Variants in SLC9A6 observed in about 807,000 individuals in gnomAD.
SLC9A6 encodes solute carrier family 9 member A6.
A neutral mutation model predicts 45.3 loss-of-function variants in SLC9A6; 6 were observed. The observed-to-expected ratio is 0.13, with a 90% CI of 0.07 to 0.26. The LOEUF (loss-of-function observed/expected upper bound fraction) is 0.26. Among genes scored for constraint, SLC9A6 ranks in the 10% least tolerant of loss-of-function variants. The pLI, the probability that SLC9A6 is intolerant of heterozygous loss-of-function variation, is 1.00. For synonymous variants in SLC9A6, 191 were observed against 187.7 expected (o/e 1.02, Z -0.14); for missense variants, 278 against 503.7 (o/e 0.55, Z 4.29).
At position 136,028,986 on chromosome X, in the gene SLC9A6, ATACTC is replaced by A. The variant is rs2071272832; in HGVS notation, c.1550+16_1550+20del. 7 of 294,420 alleles carry A rather than the reference ATACTC, an allele frequency of 2.4e-5. No homozygotes were observed. Among genetic ancestry groups the A allele is most frequent in the African/African-American group, 5.5e-5 (2 of 36,237 alleles). 24.3% of individuals were successfully genotyped at this position (294,420 alleles called of 1,213,427 possible). A position where few individuals can be genotyped will look rare whatever the true frequency, so the allele number is the denominator to read the frequency against. On this transcript the variant is annotated intron_variant, in intron 14 of 17. Transcript: ENST00000630721. ...TGGGGAGACTGACAGGTAAATAACT[ATACTC>A]TACTGTGCTAAGTATCATAATAAAG... is the stretch of plus-strand genomic sequence containing the variant.
chrX:135,979,387 T>C (rs1556613693), intron 1 of SLC9A6, among the ~76,000 whole-genome samples: 1 of 111,886 alleles, frequency 8.9e-6, no homozygotes. Context: ...GTCCAGTCTT[T>C]ACTCCTGAAC....
intron 3 of SLC9A6, among the ~76,000 whole-genome samples, chrX:135,997,718 A>G (rs948922628): frequency 9.3e-6 from 1 of 107,183 alleles, no homozygotes; most frequent in Non-Finnish European, 1.9e-5. Context: ...GCCTGGCCCT[A>G]TTTTTAACTT....
At chrX:136,007,933 A>G (rs2089682016) in intron 7 of SLC9A6, among the ~76,000 whole-genome samples, 1 of 111,538 alleles carries the variant, frequency 9.0e-6, no homozygotes, top group Admixed American at 9.6e-5. Context: ...TGGTATGATC[A>G]TTAAAAAAAT....
intron 1 of SLC9A6, 45 bp from the exon 2 acceptor site, chrX:135,985,558 C>T (rs2089319734): frequency 8.4e-7 from 1 of 1,192,529 alleles, no homozygotes; most frequent in East Asian, 3.0e-5. Context: ...GGCAGCAGTC[C>T]CCGAGCCCGC....
In SLC9A6 at chrX:136,016,553, T is replaced by C. The variant is rs2071022538; in HGVS notation, c.1081-92T>C. 6 of 540,382 alleles carry C rather than the reference T, an allele frequency of 1.1e-5. No homozygotes were observed. In the South Asian group the frequency reaches 1.5e-4, roughly 14 times the overall value. 44.5% of individuals were successfully genotyped at this position (540,382 alleles called of 1,213,427 possible). A position where few individuals can be genotyped will look rare whatever the true frequency, so the allele number is the denominator to read the frequency against. On this transcript the variant is annotated intron_variant, in intron 10 of 17. Transcript: ENST00000630721. ...TGTGTGTATGCATGAAGTTTATATA[T>C]ATGAGTGTCTGTTTTAATATCTTAG... is the stretch of plus-strand genomic sequence containing the variant.
At chrX:136,019,631 GT>G (rs2071086029) in intron 11 of SLC9A6, among the ~76,000 whole-genome samples, 1 of 112,326 alleles carries the variant, frequency 8.9e-6, no homozygotes, top group Non-Finnish European at 1.9e-5. Context: ...TTTTAGAATA[GT>G]TTTAGGTTTA....
chrX:136,000,980 G>C (rs2089573212), intron 6 of SLC9A6, among the ~76,000 whole-genome samples: 1 of 108,710 alleles, frequency 9.2e-6, no homozygotes, highest in Admixed American at 9.8e-5. Flanking sequence ...GCAAGACCCT[G>C]TCTCTTAAAA....
intron 7 of SLC9A6, among the ~76,000 whole-genome samples, chrX:136,003,199 G>C (rs1556617579): frequency 9.3e-6 from 1 of 107,986 alleles, no homozygotes; most frequent in African/African-American, 3.4e-5. Context: ...ATGTTGGCCA[G>C]GTTGGTCTCA....
chrX:135,985,401 C>G (rs1424557861), upstream of SLC9A6: 5 of 532,202 alleles, frequency 9.4e-6, no homozygotes, highest in South Asian at 7.8e-5. Context: ...GCGCGCGCTC[C>G]GACGGCTACC....
At chrX:136,040,224 A>C in intron 17 of SLC9A6, 43 bp downstream of exon 17, 1 of 956,551 alleles carries the variant, frequency 1.0e-6, no homozygotes. Context: ...AGTAAGTTAA[A>C]TTTATCTGCT....
At chrX:136,018,312 A>G (rs782096093) in intron 11 of SLC9A6, among the ~76,000 whole-genome samples, 72 of 112,237 alleles carry the variant, frequency 6.4e-4, no homozygotes, top group African/African-American at 2.3e-3. Context: ...GCTAAGAAGT[A>G]CTAGGGATCC....
At chrX:136,033,681 A>G (rs782325385) in intron 16 of SLC9A6, among the ~76,000 whole-genome samples, 188 bp downstream of exon 16, 1 of 109,554 alleles carries the variant, frequency 9.1e-6, no homozygotes, top group Admixed American at 9.8e-5. Context: ...AACCCATGAA[A>G]CCGTAGGGAC....
At position 136,039,909 on chromosome X, in the gene SLC9A6, C is replaced by G. The variant is rs563139897; in HGVS notation, c.1662-167C>G. 273 of 490,673 alleles carry G rather than the reference C, an allele frequency of 5.6e-4. 2 individuals are homozygous for G. In the South Asian group the frequency reaches 7.5e-3, roughly 13 times the overall value. 40.4% of individuals were successfully genotyped at this position (490,673 alleles called of 1,213,427 possible). A position where few individuals can be genotyped will look rare whatever the true frequency, so the allele number is the denominator to read the frequency against. On this transcript the variant is annotated intron_variant, in intron 16 of 17. Coordinates refer to ENST00000630721, the MANE Select transcript of SLC9A6 (RefSeq NM_001379110.1). ...GTGAAGTGGAGATGATAAAATACCC[C>G]TTTGCTGTTTCACTGCCATCATGTG...
In SLC9A6 at chrX:136,046,873, A is replaced by G. The variant is rs2071607856; in HGVS notation, c.*2149A>G. Reference sequence around the variant, plus strand: ...CTGAGTTACCATCATGCACAAGTAGAACTGCTCTTGGACTTGTTTTCCTGT... The same window carrying G: ...CTGAGTTACCATCATGCACAAGTAGGACTGCTCTTGGACTTGTTTTCCTGT... On this transcript the variant is annotated 3_prime_UTR_variant, in exon 18 of 18. Coordinates refer to ENST00000630721, the MANE Select transcript of SLC9A6 (RefSeq NM_001379110.1). 1 of 112,906 alleles carries G rather than the reference A, an allele frequency of 8.9e-6. No individual in the cohort carries two copies. Among genetic ancestry groups the G allele is most frequent in the South Asian group, 3.6e-4 (1 of 2,745 alleles). 9.3% of individuals were successfully genotyped at this position (112,906 alleles called of 1,213,427 possible).
chrX:136,004,461 C>G (rs1309426210), intron 7 of SLC9A6, among the ~76,000 whole-genome samples: 1 of 111,253 alleles, frequency 9.0e-6, no homozygotes, highest in Non-Finnish European at 1.9e-5. Context: ...CCAGAACTTT[C>G]TATGAGAGAG....
Position 136,022,703 on chromosome X carries a change from T to C in SLC9A6, c.1306+6T>C. 1.8e-6 allele frequency: 2 copies of C among 1,120,951 alleles called. No individual in the cohort carries two copies. The highest frequency in any genetic ancestry group is 2.4e-6 in the Non-Finnish European group (2 of 817,640). 92.4% of individuals were successfully genotyped at this position (1,120,951 alleles called of 1,213,427 possible). ...ACACATGATGATGTTTGCTGGTAAG[T>C]TGTAACTTTCTTCTCTTGCCCACTT... On this transcript the variant is annotated splice_donor_region_variant and intron_variant, in intron 12 of 17. Coordinates refer to ENST00000630721, the MANE Select transcript of SLC9A6 (RefSeq NM_001379110.1).
At chrX:135,979,961 TCACC>T (rs2089279070) in intron 1 of SLC9A6, among the ~76,000 whole-genome samples, 1 of 110,808 alleles carries the variant, frequency 9.0e-6, no homozygotes, top group African/African-American at 3.3e-5. Context: ...ATATAGGGTT[TCACC>T]ATGTTGCCCA....
chrX:136,012,807 A>G (rs868923467), intron 8 of SLC9A6, 142 bp from the exon 9 acceptor site: 8 of 525,624 alleles, frequency 1.5e-5, no homozygotes, highest in Middle Eastern at 5.4e-4. Context: ...AAGTCTCCCT[A>G]TTCTGGTGGT....
At chrX:135,994,511 C>T (rs2089473203) in intron 2 of SLC9A6, among the ~76,000 whole-genome samples, 1 of 111,829 alleles carries the variant, frequency 8.9e-6, no homozygotes, top group Non-Finnish European at 1.9e-5. Flanking sequence ...TTACCTTCCT[C>T]ATTACTTATT....
Sources: allele counts gnomAD v4.1 joint callset (sites outside exome capture counted in the v4.1 genomes callset), GRCh38; gene constraint gnomAD v4.1.1; transcripts MANE v1.5; gene names NCBI Gene and HGNC (gene_info 2026-07-23, HGNC 2026-07-21).